Variants in ARL4D observed in about 807,000 individuals in gnomAD.
ARL4D encodes the protein ADP-ribosylation factor-like protein 4D.
ARL4D carries 1 observed loss-of-function variant against 0.6 expected under a neutral mutation model. The ratio of observed to expected loss-of-function variants is 1.64; its 90% CI spans 0.58 to 7.76. ARL4D has a LOEUF of 7.76. ARL4D is among the 30% of genes most tolerant of loss of function. The pLI, the probability that ARL4D is intolerant of heterozygous loss-of-function variation, is 0.14. For synonymous variants in ARL4D, 102 were observed against 115.2 expected (o/e 0.89, Z 0.73); for missense variants, 230 against 264.5 (o/e 0.87, Z 0.90).
Position 43,400,346 on chromosome 17 carries a change from C to A in ARL4D, c.*8C>A. 1.3e-6 allele frequency: 2 copies of A among 1,562,532 alleles called. No homozygotes were observed. Among genetic ancestry groups the A allele is most frequent in the South Asian group, 1.2e-5 (1 of 82,580 alleles). ...GGCAAGAAGAGACGGTGACCCAAGCCCCCCCTCCCTTTCCTCCCACCTAGT... is the reference window on the plus strand; with the variant it reads ...GGCAAGAAGAGACGGTGACCCAAGCACCCCCTCCCTTTCCTCCCACCTAGT... On this transcript the variant is annotated 3_prime_UTR_variant, in exon 2 of 2. Coordinates refer to ENST00000320033, the MANE Select transcript of ARL4D (RefSeq NM_001661.4).
Position 43,400,445 on chromosome 17 carries a change from TC to T in ARL4D, c.*109del. On this transcript the variant is annotated 3_prime_UTR_variant, in exon 2 of 2. Coordinates refer to ENST00000320033, the MANE Select transcript of ARL4D (RefSeq NM_001661.4). ...CAGTCAGACTGGGGTGCAGGACCTGTCCACCTCAATGAAGGAGAGAGGAGCA... is the reference window on the plus strand; with the variant it reads ...CAGTCAGACTGGGGTGCAGGACCTGTCACCTCAATGAAGGAGAGAGGAGCA... The T allele has an allele frequency of 7.1e-7, 1 of 1,407,120 alleles. No individual in the cohort carries two copies. The highest frequency in any genetic ancestry group is 9.6e-7 in the Non-Finnish European group (1 of 1,046,324). The allele number at this position is 1,407,120 out of a possible 1,614,324, so 87.2% of individuals were successfully genotyped here.
In ARL4D at chr17:43,400,044, G is replaced by A. The variant is rs368069774; in HGVS notation, c.312G>A (p.Ala104=). 10 of 1,613,704 alleles carry A rather than the reference G, an allele frequency of 6.2e-6. No individual in the cohort carries two copies. Among genetic ancestry groups the A allele is most frequent in the African/African-American group, 2.7e-5 (2 of 74,902 alleles). The part of the protein sequence containing the change: ...TDGLVFVVDA[A]EAERLEEAKV... ...GTCTAGTGTTTGTGGTGGACGCTGC[G>A]GAGGCTGAGCGGCTGGAGGAAGCCA... The change falls in exon 2 of 2, where the codon GCG becomes GCA. Residue 104 remains alanine (A), a synonymous_variant. Transcript: ENST00000320033.
Position 43,400,355 on chromosome 17 carries a change from C to A in ARL4D, c.*17C>A. 6.4e-7 allele frequency: 1 copy of A among 1,558,412 alleles called. No individual in the cohort carries two copies. Among genetic ancestry groups the A allele is most frequent in the Admixed American group, 1.8e-5 (1 of 54,606 alleles). ...AGACGGTGACCCAAGCCCCCCCTCC[C>A]TTTCCTCCCACCTAGTAGGGGTCTG... On this transcript the variant is annotated 3_prime_UTR_variant, in exon 2 of 2. Transcript: ENST00000320033.
chr17:43,400,253 T>G lies in ARL4D; in HGVS notation c.521T>G (p.Leu174Arg). 1 of 1,608,854 alleles carries G rather than the reference T, an allele frequency of 6.2e-7. No individual in the cohort carries two copies. The highest frequency in any genetic ancestry group is 8.5e-7 in the Non-Finnish European group (1 of 1,178,750). The change falls in exon 2 of 2, where the codon CTG becomes CGG. Residue 174 changes from leucine (L) to arginine (R), a missense_variant. Transcript: ENST00000320033. ...CAAGGCTGCAGCGCTGTGGACGGTC[T>G]GGGCCTGCAGCAGGGCCTTGAGCGC... ...HVQGCSAVDG[L>R]GLQQGLERLY...
Position 43,399,813 on chromosome 17 carries a change from T to C in ARL4D, c.81T>C (p.Ile27=). Reference sequence around the variant, plus strand: ...TCCAAGCCCTGCATGTCGTGGTCATTGGGCTGGACTCTGCTGGAAAGACCT... The same window carrying C: ...TCCAAGCCCTGCATGTCGTGGTCATCGGGCTGGACTCTGCTGGAAAGACCT... ...PHFQALHVVV[I]GLDSAGKTSL... is the part of the protein sequence containing the mutation. Residue 27 remains isoleucine, a synonymous_variant, in exon 2 of 2, where the codon ATT becomes ATC. Transcript: ENST00000320033. The C allele has an allele frequency of 3.1e-6, 5 of 1,613,934 alleles. No homozygotes were observed. Among genetic ancestry groups the C allele is most frequent in the Non-Finnish European group, 4.2e-6 (5 of 1,179,986 alleles).
rs896170449 is a variant in ARL4D, at chr17:43,399,724, T to G, written c.-9T>G. On this transcript the variant is annotated 5_prime_UTR_variant, in exon 2 of 2. Transcript: ENST00000320033. ...GCCTCCCTGCCTCTACTAGGCGCCT[T>G]AGCTCACTATGGGGAACCACTTGAC... 5.6e-6 allele frequency: 9 copies of G among 1,608,122 alleles called. No homozygotes were observed. In the African/African-American group the frequency reaches 1.2e-4, roughly 22 times the overall value.
In ARL4D at chr17:43,399,713, A is replaced by G. The variant is rs1413972965; in HGVS notation, c.-20A>G. Reference sequence around the variant, plus strand: ...TCAATTTCAAGGCCTCCCTGCCTCTACTAGGCGCCTTAGCTCACTATGGGG... The same window carrying G: ...TCAATTTCAAGGCCTCCCTGCCTCTGCTAGGCGCCTTAGCTCACTATGGGG... On this transcript the variant is annotated 5_prime_UTR_variant, in exon 2 of 2. Coordinates refer to ENST00000320033, the MANE Select transcript of ARL4D (RefSeq NM_001661.4). 2 of 1,599,738 alleles carry G rather than the reference A, an allele frequency of 1.3e-6. No homozygotes were observed. The highest frequency in any genetic ancestry group is 1.7e-6 in the Non-Finnish European group (2 of 1,170,532).
rs1415739288 is a variant in ARL4D at position 43,400,232 on chromosome 17, G to A, written c.500G>A (p.Gly167Asp). Residue 167 changes from glycine to aspartate, a missense_variant, in exon 2 of 2, where the codon GGC becomes GAC. By Grantham distance (94) the Gly-to-Asp change is moderately conservative (BLOSUM62 -1). Around this residue, in one of 3 missense-constraint regions of ARL4D, gnomAD observed 131 missense variants for 134.4 expected, o/e 0.97. Coordinates refer to ENST00000320033, the MANE Select transcript of ARL4D (RefSeq NM_001661.4). ...GCCGCCACTCTCACTCATGTGCAAG[G>A]CTGCAGCGCTGTGGACGGTCTGGGC... ...LAAATLTHVQGCSAVDGLGLQ... is the reference protein window; with the variant it reads ...LAAATLTHVQDCSAVDGLGLQ... The A allele has an allele frequency of 6.2e-7, 1 of 1,604,704 alleles. No homozygotes were observed. Among genetic ancestry groups the A allele is most frequent in the African/African-American group, 1.3e-5 (1 of 74,778 alleles).
chr17:43,400,031 T>C lies in ARL4D; in HGVS notation c.299T>C (p.Val100Ala). 2 of 1,613,916 alleles carry C rather than the reference T, an allele frequency of 1.2e-6. No individual in the cohort carries two copies. The highest frequency in any genetic ancestry group is 1.7e-6 in the Non-Finnish European group (2 of 1,180,020). The change falls in exon 2 of 2, where the codon GTG (valine) becomes GCG (alanine). Residue 100 changes from valine to alanine, a missense_variant. Val to Ala is a moderately conservative substitution (Grantham distance 64). Transcript: ENST00000320033. Reference protein sequence around the residue: ...YTRRTDGLVFVVDAAEAERLE... With the variant: ...YTRRTDGLVFAVDAAEAERLE... ...CGCCGGACAGACGGTCTAGTGTTTG[T>C]GGTGGACGCTGCGGAGGCTGAGCGG...
At position 43,399,978 on chromosome 17, in the gene ARL4D, G is replaced by A; in HGVS notation, c.246G>A (p.Lys82=). 2 of 1,614,098 alleles carry A rather than the reference G, an allele frequency of 1.2e-6. No homozygotes were observed. The highest frequency in any genetic ancestry group is 1.7e-6 in the Non-Finnish European group (2 of 1,180,034). Residue 82 remains lysine (K), a synonymous_variant, in exon 2 of 2, where the codon AAG becomes AAA. Coordinates refer to ENST00000320033, the MANE Select transcript of ARL4D (RefSeq NM_001661.4). ...TGTGGGACGTCGGGGGGCAGGAGAA[G>A]CTGCGACCACTGTGGCGCTCTTATA... The part of the protein sequence containing the change: ...FQVWDVGGQE[K]LRPLWRSYTR...
Position 43,400,091 on chromosome 17 carries a change from G to T in ARL4D, c.359G>T (p.Ser120Ile). Residue 120 changes from serine (S) to isoleucine (I), a missense_variant, in exon 2 of 2, where the codon AGC (serine) becomes ATC (isoleucine). Physicochemically the swap from Ser to Ile is moderately radical, Grantham distance 142. This residue lies in a region of ARL4D where 131 missense variants were observed against 134.4 expected (regional missense o/e 0.97). Transcript: ENST00000320033. ...GCCAAGGTGGAGTTGCACCGAATCA[G>T]CCGGGCCTCGGACAACCAGGGCGTG... Reference protein sequence around the residue: ...EEAKVELHRISRASDNQGVPV... With the variant: ...EEAKVELHRIIRASDNQGVPV... The T allele has an allele frequency of 6.2e-7, 1 of 1,611,996 alleles. No individual in the cohort carries two copies.
At position 43,400,184 on chromosome 17, in the gene ARL4D, G is replaced by C; in HGVS notation, c.452G>C (p.Arg151Thr). ...GALSAAEVEK[R>T]LAVRELAAAT... ...CTGAGCGCTGCTGAGGTGGAGAAGA[G>C]GCTGGCAGTCCGAGAGCTAGCAGCC... The change falls in exon 2 of 2, where the codon AGG becomes ACG. Residue 151 changes from arginine to threonine, a missense_variant. Coordinates refer to ENST00000320033, the MANE Select transcript of ARL4D (RefSeq NM_001661.4). The C allele has an allele frequency of 1.3e-6, 2 of 1,599,262 alleles. No individual in the cohort carries two copies. The highest frequency in any genetic ancestry group is 1.1e-5 in the South Asian group (1 of 89,792).
At position 43,400,223 on chromosome 17, in the gene ARL4D, A is replaced by T; in HGVS notation, c.491A>T (p.His164Leu). 6.2e-7 allele frequency: 1 copy of T among 1,603,986 alleles called. No homozygotes were observed. Among genetic ancestry groups the T allele is most frequent in the Non-Finnish European group, 8.5e-7 (1 of 1,176,348 alleles). The change falls in exon 2 of 2, where the codon CAT becomes CTT. Residue 164 changes from histidine to leucine, a missense_variant. His to Leu is a moderately conservative substitution (Grantham distance 99, BLOSUM62 -3). This residue lies in a region of ARL4D where 131 missense variants were observed against 134.4 expected (regional missense o/e 0.97). Transcript: ENST00000320033. ...GAGCTAGCAGCCGCCACTCTCACTC[A>T]TGTGCAAGGCTGCAGCGCTGTGGAC... is the stretch of plus-strand genomic sequence containing the variant. Reference protein sequence around the residue: ...VRELAAATLTHVQGCSAVDGL... With the variant: ...VRELAAATLTLVQGCSAVDGL...
At position 43,400,916 on chromosome 17, in the gene ARL4D, T is replaced by C. The variant is rs924924997; in HGVS notation, c.*578T>C. The C allele has an allele frequency of 6.6e-5, 11 of 167,394 alleles. No individual in the cohort carries two copies. Among genetic ancestry groups the C allele is most frequent in the African/African-American group, 2.7e-4 (11 of 41,454 alleles). The allele number at this position is 167,394 out of a possible 1,614,324, so 10.4% of individuals were successfully genotyped here. The stretch of plus-strand genomic sequence containing the variant: ...TTTTTTAGCATTTGCCTGTAAGTTA[T>C]TAAAGACTGATAACTGTAGCTCTTA... On this transcript the variant is annotated 3_prime_UTR_variant, in exon 2 of 2. Coordinates refer to ENST00000320033, the MANE Select transcript of ARL4D (RefSeq NM_001661.4).
intron 1 of ARL4D, among the ~76,000 whole-genome samples, chr17:43,399,425 AC>A: frequency 6.8e-6 from 1 of 146,112 alleles, no homozygotes; most frequent in African/African-American, 2.6e-5. Flanking sequence ...TCGAGCCCTC[AC>A]CCCCCACTTG....
Position 43,399,752 on chromosome 17 carries a change from A to G in ARL4D, c.20A>G (p.Glu7Gly), listed in dbSNP as rs2058079894. The change falls in exon 2 of 2, where the codon GAG (glutamate) becomes GGG (glycine). Residue 7 changes from glutamate (E) to glycine (G), a missense_variant. Coordinates refer to ENST00000320033, the MANE Select transcript of ARL4D (RefSeq NM_001661.4). MGNHLT[E>G]MAPTASSFLP... The stretch of plus-strand genomic sequence containing the variant: ...CTCACTATGGGGAACCACTTGACTG[A>G]GATGGCGCCCACTGCCTCCTCCTTC... 6.2e-7 allele frequency: 1 copy of G among 1,613,150 alleles called. No homozygotes were observed. The highest frequency in any genetic ancestry group is 1.7e-5 in the Admixed American group (1 of 59,988).
At position 43,400,078 on chromosome 17, in the gene ARL4D, T is replaced by C. The variant is rs372258038; in HGVS notation, c.346T>C (p.Leu116=). The C allele has an allele frequency of 2.5e-6, 4 of 1,612,302 alleles. No individual in the cohort carries two copies. The highest frequency in any genetic ancestry group is 3.4e-6 in the Non-Finnish European group (4 of 1,179,854). The change falls in exon 2 of 2, where the codon TTG becomes CTG. Residue 116 remains leucine (L), a synonymous_variant. Transcript: ENST00000320033. The part of the protein sequence containing the change: ...AERLEEAKVE[L]HRISRASDNQ... Reference sequence around the variant, plus strand: ...GCGGCTGGAGGAAGCCAAGGTGGAGTTGCACCGAATCAGCCGGGCCTCGGA... The same window carrying C: ...GCGGCTGGAGGAAGCCAAGGTGGAGCTGCACCGAATCAGCCGGGCCTCGGA...
chr17:43,400,373 G>T lies in ARL4D; in HGVS notation c.*35G>T. The stretch of plus-strand genomic sequence containing the variant: ...CCCCTCCCTTTCCTCCCACCTAGTA[G>T]GGGTCTGCACACTTGGACAGCAGGG... On this transcript the variant is annotated 3_prime_UTR_variant, in exon 2 of 2. Transcript: ENST00000320033. 1 of 1,550,290 alleles carries T rather than the reference G, an allele frequency of 6.5e-7. No individual in the cohort carries two copies. Among genetic ancestry groups the T allele is most frequent in the South Asian group, 1.2e-5 (1 of 80,278 alleles).
At position 43,400,710 on chromosome 17, in the gene ARL4D, A is replaced by G. The variant is rs140793784; in HGVS notation, c.*372A>G. ...TGGAGAATGTGTTTGGGATGAAATA[A>G]CTATCTCCCCTTCCTCTGTCCCCCA... On this transcript the variant is annotated 3_prime_UTR_variant, in exon 2 of 2. Coordinates refer to ENST00000320033, the MANE Select transcript of ARL4D (RefSeq NM_001661.4). 1.4e-3 allele frequency: 273 copies of G among 189,052 alleles called. 1 individual carries two copies. The highest frequency in any genetic ancestry group is 6.2e-3 in the African/African-American group (263 of 42,158). 11.7% of individuals were successfully genotyped at this position (189,052 alleles called of 1,614,324 possible).
Sources: allele counts gnomAD v4.1 joint callset (sites outside exome capture counted in the v4.1 genomes callset), GRCh38; gene constraint gnomAD v4.1.1; regional missense constraint gnomAD v4.1.1; transcripts MANE v1.5; gene names NCBI Gene and HGNC (gene_info 2026-07-23, HGNC 2026-07-21).